Variants in KCNQ5 observed in about 807,000 individuals in gnomAD.
KCNQ5 encodes the protein potassium voltage-gated channel subfamily KQT member 5.
Under a neutral mutation model 98.2 loss-of-function variants are expected in KCNQ5, and 30 were observed. That is an observed-to-expected ratio of 0.31 (90% CI 0.23 to 0.41). The LOEUF is 0.41. KCNQ5 is among the 10% of genes least tolerant of loss of function. The pLI, the probability that KCNQ5 is intolerant of heterozygous loss-of-function variation, is 1.00. For synonymous variants in KCNQ5, 458 were observed against 449.4 expected (o/e 1.02, Z -0.24); for missense variants, 835 against 1,182.5 (o/e 0.71, Z 4.31).
At position 73,192,583 on chromosome 6, in the gene KCNQ5, A is replaced by G; in HGVS notation, c.1728A>G (p.Gly576=). The G allele has an allele frequency of 6.2e-7, 1 of 1,608,680 alleles. No individual in the cohort carries two copies. Among genetic ancestry groups the G allele is most frequent in the Admixed American group, 1.7e-5 (1 of 59,342 alleles). ...SLQTRVDQIL[G]KGQITSDKKS... ...CTGATAGTGTTGATCAAATTCTTGG[A>G]AAAGGGCAAATCACATCAGATAAGA... Residue 576 remains glycine (G), a synonymous_variant, in exon 13 of 14, where the codon GGA becomes GGG. Transcript: ENST00000370398.
At position 73,134,060 on chromosome 6, in the gene KCNQ5, T is replaced by C. The variant is rs1455290044; in HGVS notation, c.1468+419T>C. ...ACACAGTAAGGAGGATGATCATTTC[T>C]GGTCAACAATGAAGGTGCTCTTTCC... On this transcript the variant is annotated intron_variant, in intron 10 of 13. Coordinates refer to ENST00000370398, the MANE Select transcript of KCNQ5 (RefSeq NM_019842.4). 8.6e-6 allele frequency: 4 copies of C among 462,786 alleles called. No homozygotes were observed. The East Asian group carries it at 2.8e-4, about 32-fold the overall frequency. The allele number at this position is 462,786 out of a possible 1,614,324, so 28.7% of individuals were successfully genotyped here. A position where few individuals can be genotyped will look rare whatever the true frequency, so the allele number is the denominator to read the frequency against.
chr6:72,981,176 A>G (rs534309832), intron 1 of KCNQ5, among the ~76,000 whole-genome samples: 83 of 152,302 alleles, frequency 5.4e-4, no homozygotes, highest in African/African-American at 1.8e-3. Flanking sequence ...GCCTCATAAA[A>G]TGAGTTAGGG....
intron 1 of KCNQ5, among the ~76,000 whole-genome samples, chr6:72,853,884 T>G (rs1168418777): frequency 1.3e-5 from 2 of 152,230 alleles, no homozygotes; most frequent in Non-Finnish European, 2.9e-5. Flanking sequence ...CTTATAAACA[T>G]TTAGAGAAAT....
At chr6:72,999,295 T>C (rs1264762262) in intron 1 of KCNQ5, among the ~76,000 whole-genome samples, 1 of 152,210 alleles carries the variant, frequency 6.6e-6, no homozygotes, top group Non-Finnish European at 1.5e-5. Context: ...TTTGAGTTGG[T>C]AATATTTAAA....
chr6:73,035,951 T>C (rs1213653339), intron 2 of KCNQ5, among the ~76,000 whole-genome samples: 1 of 151,508 alleles, frequency 6.6e-6, no homozygotes, highest in African/African-American at 2.4e-5. Flanking sequence ...CTCACAAATC[T>C]CATTCAGATT....
intron 1 of KCNQ5, among the ~76,000 whole-genome samples, chr6:72,756,304 G>T (rs766961765): frequency 6.6e-5 from 10 of 152,084 alleles, no homozygotes; most frequent in South Asian, 2.1e-4. Flanking sequence ...ACATCTTCTG[G>T]CTTTTGGTCA....
At chr6:73,032,911 C>G (rs1490262662) in intron 2 of KCNQ5, among the ~76,000 whole-genome samples, 1 of 152,092 alleles carries the variant, frequency 6.6e-6, no homozygotes, top group Non-Finnish European at 1.5e-5. Context: ...TCACCTGTGG[C>G]AGGTGAAGGG....
intron 2 of KCNQ5, among the ~76,000 whole-genome samples, chr6:73,025,762 C>T (rs1334173429): frequency 6.6e-6 from 1 of 151,854 alleles, no homozygotes; most frequent in Non-Finnish European, 1.5e-5. Context: ...TCCTTTATTG[C>T]CAGTAAACAA....
intron 1 of KCNQ5, among the ~76,000 whole-genome samples, chr6:72,784,275 T>A (rs764135184): frequency 1.3e-5 from 2 of 152,142 alleles, no homozygotes; most frequent in Non-Finnish European, 2.9e-5. Context: ...TTCTCCTATA[T>A]GTAAAACCTT....
rs532217491 is a variant in KCNQ5 at position 72,891,860 on chromosome 6, G to A, written c.399-112048G>A. ...AAAAATCTGATAGTAATCTAGGCAG[G>A]AAGGCTTGAATGTCCACACATTTGG... On this transcript the variant is annotated intron_variant, in intron 1 of 13. Coordinates refer to ENST00000370398, the MANE Select transcript of KCNQ5 (RefSeq NM_019842.4). Among the ~76,000 whole-genome samples, 8 of 152,284 alleles carry A rather than the reference G, an allele frequency of 5.3e-5. No individual in the cohort carries two copies. In the South Asian group the frequency reaches 1.5e-3, roughly 28 times the overall value.
chr6:72,677,894 G>T (rs1380463753), intron 1 of KCNQ5, among the ~76,000 whole-genome samples: 4 of 152,180 alleles, frequency 2.6e-5, no homozygotes, highest in African/African-American at 9.7e-5. Flanking sequence ...GTGATTGGGG[G>T]TGCGGTGGCT....
chr6:73,151,319 CAAT>C (rs1777138365), intron 10 of KCNQ5, among the ~76,000 whole-genome samples: 1 of 151,906 alleles, frequency 6.6e-6, no homozygotes, highest in Non-Finnish European at 1.5e-5. Context: ...CATATTTTTC[CAAT>C]AATATGAGTG....
chr6:72,931,258 A>G (rs1009737254), intron 1 of KCNQ5, among the ~76,000 whole-genome samples: 6 of 152,296 alleles, frequency 3.9e-5, no homozygotes, highest in Non-Finnish European at 7.4e-5. Flanking sequence ...TTATTACATC[A>G]TTTGTCTCTC....
chr6:72,830,601 T>G lies in KCNQ5; in HGVS notation c.399-173307T>G, dbSNP rs187596741. Among the ~76,000 whole-genome samples, 937 of 152,306 alleles carry G rather than the reference T, an allele frequency of 6.2e-3. 8 individuals are homozygous for G. Among genetic ancestry groups the G allele is most frequent in the African/African-American group, 0.021 (890 of 41,564 alleles). ...AATTAATTCAAGATGGATTAAAGAC[T>G]TAAATGTTAGACCTAAAAACCATAA... On this transcript the variant is annotated intron_variant, in intron 1 of 13. Transcript: ENST00000370398.
chr6:73,198,797 C>G lies in KCNQ5; in HGVS notation c.*3383C>G, dbSNP rs1326473616. 6.6e-6 allele frequency: 1 copy of G among 152,178 alleles called. No individual in the cohort carries two copies. Among genetic ancestry groups the G allele is most frequent in the Non-Finnish European group, 1.5e-5 (1 of 68,028 alleles). The allele number at this position is 152,178 out of a possible 1,614,324, so 9.4% of individuals were successfully genotyped here. A position where few individuals can be genotyped will look rare whatever the true frequency, so the allele number is the denominator to read the frequency against. On this transcript the variant is annotated 3_prime_UTR_variant, in exon 14 of 14. Coordinates refer to ENST00000370398, the MANE Select transcript of KCNQ5 (RefSeq NM_019842.4). ...TCATTAAAGTGTAATTTCCTTTGCT[C>G]TCTTTTACTGGGATTATTTGTTTTA...
At chr6:72,944,971 T>C (rs1766468317) in intron 1 of KCNQ5, among the ~76,000 whole-genome samples, 1 of 152,206 alleles carries the variant, frequency 6.6e-6, no homozygotes, top group Admixed American at 6.5e-5. Flanking sequence ...CAGAATTTGA[T>C]TCTTATTCCC....
intron 1 of KCNQ5, among the ~76,000 whole-genome samples, chr6:72,930,708 T>G (rs1434071667): frequency 6.6e-6 from 1 of 152,132 alleles, no homozygotes; most frequent in Non-Finnish European, 1.5e-5. Flanking sequence ...TTGCTTACAT[T>G]AATTGCTTTC....
intron 1 of KCNQ5, among the ~76,000 whole-genome samples, chr6:72,823,421 A>G (rs1775843744): frequency 6.6e-6 from 1 of 152,146 alleles, no homozygotes; most frequent in African/African-American, 2.4e-5. Flanking sequence ...ATACAAAAAT[A>G]CAAGTATTTG....
At chr6:72,672,446 A>G (rs1361839229) in intron 1 of KCNQ5, among the ~76,000 whole-genome samples, 1 of 152,170 alleles carries the variant, frequency 6.6e-6, no homozygotes, top group Non-Finnish European at 1.5e-5. Context: ...AGCATTTTTT[A>G]ATAGAAGAAA....
Sources: gnomAD v4.1 joint callset for allele counts (sites outside exome capture counted in the v4.1 genomes callset) on GRCh38, gnomAD v4.1.1 for gene constraint, MANE v1.5 for transcripts, NCBI Gene and HGNC (gene_info 2026-07-23, HGNC 2026-07-21) for gene names.